Variants in USP5 observed in about 807,000 individuals in gnomAD.
USP5 encodes ubiquitin carboxyl-terminal hydrolase 5.
USP5 carries 24 observed loss-of-function variants against 102.5 expected under a neutral mutation model. That is an observed-to-expected ratio of 0.23 (90% CI 0.17 to 0.33). The LOEUF is 0.33. USP5 is among the 10% of genes least tolerant of loss of function. The pLI is 1.00. For synonymous variants in USP5, 460 were observed against 434.8 expected (o/e 1.06, Z -0.72); for missense variants, 753 against 1,122.1 (o/e 0.67, Z 4.70).
rs1373992040 is a variant in USP5, at chr12:6,855,386, C to T, written c.112-15C>T. On this transcript the variant is annotated splice_polypyrimidine_tract_variant and intron_variant, in intron 1 of 19. Transcript: ENST00000229268. This position sits in a 1 kb window ranked among gnomAD's most constrained non-coding sequence, Gnocchi z 4.6. The stretch of plus-strand genomic sequence containing the variant: ...TAACATCCTCGTGTTTTCACCCTTA[C>T]CTCTTGTCCCACAGGAGTCTGAGGG... 1.2e-6 allele frequency: 2 copies of T among 1,613,788 alleles called. No individual in the cohort carries two copies. The highest frequency in any genetic ancestry group is 1.7e-6 in the Non-Finnish European group (2 of 1,179,862).
In USP5 at chr12:6,858,291, C is replaced by T; in HGVS notation, c.865-133C>T. ...TTGAACTGGACGATACTCAACATAC[C>T]TCCCATGTTTGAGCCTGTAATTCCA... On this transcript the variant is annotated intron_variant, in intron 7 of 19. Coordinates refer to ENST00000229268, the MANE Select transcript of USP5 (RefSeq NM_001098536.2). This position sits in a 1 kb window ranked among gnomAD's most constrained non-coding sequence, Gnocchi z 4.2. 2 of 887,628 alleles carry T rather than the reference C, an allele frequency of 2.3e-6. No homozygotes were observed. Among genetic ancestry groups the T allele is most frequent in the Non-Finnish European group, 3.4e-6 (2 of 593,256 alleles). The allele number at this position is 887,628 out of a possible 1,614,324, so 55.0% of individuals were successfully genotyped here. A position where few individuals can be genotyped will look rare whatever the true frequency, so the allele number is the denominator to read the frequency against.
chr12:6,863,049 A>G lies in USP5; in HGVS notation c.1763-137A>G. 1 of 773,998 alleles carries G rather than the reference A, an allele frequency of 1.3e-6. No homozygotes were observed. The highest frequency in any genetic ancestry group is 2.0e-6 in the Non-Finnish European group (1 of 501,784). 47.9% of individuals were successfully genotyped at this position (773,998 alleles called of 1,614,324 possible). On this transcript the variant is annotated intron_variant, in intron 14 of 19. Coordinates refer to ENST00000229268, the MANE Select transcript of USP5 (RefSeq NM_001098536.2). This position sits in a 1 kb window ranked among gnomAD's most constrained non-coding sequence, Gnocchi z 4.7. The stretch of plus-strand genomic sequence containing the variant: ...TTAGTATTATTTGTCTTATACTGGG[A>G]CCCCTAAGATGGGTGCCGTGCTTTT...
At chr12:6,853,600 G>C (rs1439778804) in intron 1 of USP5, among the ~76,000 whole-genome samples, 1 of 152,154 alleles carries the variant, frequency 6.6e-6, no homozygotes, top group Non-Finnish European at 1.5e-5. Flanking sequence ...GAAGTCAGTG[G>C]GTCCCTCTTT....
At chr12:6,857,410 G>A (rs1944149305) in intron 6 of USP5, 2 of 513,662 alleles carry the variant, frequency 3.9e-6, no homozygotes, top group Non-Finnish European at 6.9e-6. Context: ...AGAATCACAA[G>A]TAATTCCAAC....
Position 6,858,256 on chromosome 12 carries a change from C to G in USP5, c.865-168C>G, listed in dbSNP as rs1460387608. On this transcript the variant is annotated intron_variant, in intron 7 of 19. Coordinates refer to ENST00000229268, the MANE Select transcript of USP5 (RefSeq NM_001098536.2). The surrounding 1 kb of genome is among the most constrained non-coding windows in gnomAD (Gnocchi z 4.2). Reference sequence around the variant, plus strand: ...GGCCTCTGGGACAATTATGTGTGGCCTTCCAGAACTTGAACTGGACGATAC... The same window carrying G: ...GGCCTCTGGGACAATTATGTGTGGCGTTCCAGAACTTGAACTGGACGATAC... 6.6e-6 allele frequency among the ~76,000 whole-genome samples: 1 copy of G among 152,198 alleles called. No individual in the cohort carries two copies. Among genetic ancestry groups the G allele is most frequent in the Non-Finnish European group, 1.5e-5 (1 of 68,040 alleles).
Position 6,855,457 on chromosome 12 carries a change from G to A in USP5, c.168G>A (p.Gln56=). 2 of 1,614,204 alleles carry A rather than the reference G, an allele frequency of 1.2e-6. No homozygotes were observed. Among genetic ancestry groups the A allele is most frequent in the Admixed American group, 1.7e-5 (1 of 60,028 alleles). The change falls in exon 2 of 20, where the codon CAG becomes CAA. Residue 56 remains glutamine (Q), a synonymous_variant. Coordinates refer to ENST00000229268, the MANE Select transcript of USP5 (RefSeq NM_001098536.2). The surrounding 1 kb of genome is among the most constrained non-coding windows in gnomAD (Gnocchi z 4.6). ...CMNTFLGFGK[Q]YVERHFNKTG... The stretch of plus-strand genomic sequence containing the variant: ...ACACGTTTCTGGGCTTTGGGAAACA[G>A]TATGTGGAGAGACATTTCAATAAGA...
In USP5 at chr12:6,856,497, C is replaced by T. The variant is rs1337850133; in HGVS notation, c.584+47C>T. On this transcript the variant is annotated intron_variant, in intron 5 of 19. Coordinates refer to ENST00000229268, the MANE Select transcript of USP5 (RefSeq NM_001098536.2). This position sits in a 1 kb window ranked among gnomAD's most constrained non-coding sequence, Gnocchi z 5.6. ...TCGGGCACCACCCCCAGAGCAAGGA[C>T]AAGGAGCCCACTTTTCTGGGGGATC... 2.5e-6 allele frequency: 4 copies of T among 1,572,010 alleles called. No homozygotes were observed. The highest frequency in any genetic ancestry group is 3.5e-6 in the Non-Finnish European group (4 of 1,159,316).
rs989368240 is a variant in USP5 at position 6,855,584 on chromosome 12, A to G, written c.237+58A>G. Reference sequence around the variant, plus strand: ...ATTGTCTGTTCCATTCTGACCTCCTATTGGACTCAGTTTCTTTTTTTCACC... The same window carrying G: ...ATTGTCTGTTCCATTCTGACCTCCTGTTGGACTCAGTTTCTTTTTTTCACC... On this transcript the variant is annotated intron_variant, in intron 2 of 19. Coordinates refer to ENST00000229268, the MANE Select transcript of USP5 (RefSeq NM_001098536.2). The surrounding 1 kb of genome is among the most constrained non-coding windows in gnomAD (Gnocchi z 4.6). The G allele has an allele frequency of 1.8e-5, 29 of 1,597,792 alleles. No homozygotes were observed. Among genetic ancestry groups the G allele is most frequent in the East Asian group, 8.9e-5 (4 of 44,716 alleles).
Position 6,855,775 on chromosome 12 carries a change from A to G in USP5, c.258A>G (p.Thr86=). The G allele has an allele frequency of 6.2e-7, 1 of 1,614,172 alleles. No individual in the cohort carries two copies. The highest frequency in any genetic ancestry group is 1.6e-4 in the Middle Eastern group (1 of 6,062). ...TRRPKEEDPA[T]GTGDPPRKKP... is the part of the protein sequence containing the mutation. ...TACAGAAAGAGGAGGACCCTGCTAC[A>G]GGCACTGGAGACCCACCCCGGAAGA... The change falls in exon 3 of 20, where the codon ACA becomes ACG. Residue 86 remains threonine (T), a synonymous_variant. Transcript: ENST00000229268. The surrounding 1 kb of genome is among the most constrained non-coding windows in gnomAD (Gnocchi z 4.6).
chr12:6,865,550 A>G (rs1347846568), intron 19 of USP5, among the ~76,000 whole-genome samples: 2 of 152,156 alleles, frequency 1.3e-5, no homozygotes, highest in Non-Finnish European at 2.9e-5. Context: ...GGCATGAGCT[A>G]CCGTGCCTGG....
Position 6,856,669 on chromosome 12 carries a change from G to T in USP5, c.585-38G>T, listed in dbSNP as rs183840287. 7.5e-6 allele frequency: 12 copies of T among 1,608,756 alleles called. No homozygotes were observed. The South Asian group carries it at 1.2e-4, about 16-fold the overall frequency. Reference sequence around the variant, plus strand: ...CTCTCTGCCACTCCCTCAAATCCCCGACCCACATTTCTGCTGATTCTCTTC... The same window carrying T: ...CTCTCTGCCACTCCCTCAAATCCCCTACCCACATTTCTGCTGATTCTCTTC... On this transcript the variant is annotated intron_variant, in intron 5 of 19. Coordinates refer to ENST00000229268, the MANE Select transcript of USP5 (RefSeq NM_001098536.2). The surrounding 1 kb of genome is among the most constrained non-coding windows in gnomAD (Gnocchi z 5.6).
chr12:6,864,896 G>A lies in USP5; in HGVS notation c.2398+21G>A, dbSNP rs782783252. 6.2e-7 allele frequency: 1 copy of A among 1,608,684 alleles called. No homozygotes were observed. Among genetic ancestry groups the A allele is most frequent in the Non-Finnish European group, 8.5e-7 (1 of 1,176,930 alleles). ...TGGAAGTGAGTATCCCCAGGAAGCAGGACAGGCCTGGTGGAATCTGGTCAG... is the reference window on the plus strand; with the variant it reads ...TGGAAGTGAGTATCCCCAGGAAGCAAGACAGGCCTGGTGGAATCTGGTCAG... On this transcript the variant is annotated intron_variant, in intron 18 of 19. Transcript: ENST00000229268. This position sits in a 1 kb window ranked among gnomAD's most constrained non-coding sequence, Gnocchi z 4.8.
intron 7 of USP5, 140 bp downstream of exon 7, chr12:6,857,863 T>C: frequency 8.2e-6 from 6 of 735,898 alleles, no homozygotes; most frequent in Non-Finnish European, 8.9e-6. Context: ...CTTTTAAATA[T>C]CTAAAATCAT....
rs782329393 is a variant in USP5 at position 6,857,853 on chromosome 12, C to A, written c.864+130C>A. On this transcript the variant is annotated intron_variant, in intron 7 of 19. Coordinates refer to ENST00000229268, the MANE Select transcript of USP5 (RefSeq NM_001098536.2). ...CCCCATCCCCAAGATACACAGGCTT[C>A]TTTTAAATATCTAAAATCATTTATT... 4.8e-4 allele frequency: 380 copies of A among 785,152 alleles called. 2 individuals are homozygous for A. The African/African-American group carries it at 6.0e-3, about 12-fold the overall frequency. The allele number at this position is 785,152 out of a possible 1,614,324, so 48.6% of individuals were successfully genotyped here.
In USP5 at chr12:6,860,208, G is replaced by A. The variant is rs141869825; in HGVS notation, c.1188G>A (p.Ser396=). ...SGEYSKPVPE[S]GDGERVPEQK... ...AGTATTCCAAGCCAGTACCGGAGTCGGGCGATGGGGAGCGGGTGCCAGAAC... is the reference window on the plus strand; with the variant it reads ...AGTATTCCAAGCCAGTACCGGAGTCAGGCGATGGGGAGCGGGTGCCAGAAC... The change falls in exon 10 of 20, where the codon TCG becomes TCA. Residue 396 remains serine, a synonymous_variant. Transcript: ENST00000229268. This position sits in a 1 kb window ranked among gnomAD's most constrained non-coding sequence, Gnocchi z 5.5. 154 of 1,608,214 alleles carry A rather than the reference G, an allele frequency of 9.6e-5. No individual in the cohort carries two copies. The East Asian group carries it at 1.6e-3, about 17-fold the overall frequency.
At chr12:6,862,430 T>C in intron 13 of USP5, 40 bp from the exon 14 acceptor site, 1 of 1,585,714 alleles carries the variant, frequency 6.3e-7, no homozygotes, top group Non-Finnish European at 8.7e-7. Context: ...AGGAAAACCC[T>C]GGGGATTGTC....
rs1555128391 is a variant in USP5 at position 6,856,689 on chromosome 12, C to T, written c.585-18C>T. 2 of 1,613,062 alleles carry T rather than the reference C, an allele frequency of 1.2e-6. No homozygotes were observed. The highest frequency in any genetic ancestry group is 2.2e-5 in the South Asian group (2 of 91,064). ...TCCCCGACCCACATTTCTGCTGATT[C>T]TCTTCTCTGTGGGTTAGTGGCTGGA... On this transcript the variant is annotated intron_variant, in intron 5 of 19. Coordinates refer to ENST00000229268, the MANE Select transcript of USP5 (RefSeq NM_001098536.2). This position sits in a 1 kb window ranked among gnomAD's most constrained non-coding sequence, Gnocchi z 5.6.
chr12:6,864,993 C>T lies in USP5; in HGVS notation c.2398+118C>T, dbSNP rs764796082. On this transcript the variant is annotated intron_variant, in intron 18 of 19. Transcript: ENST00000229268. The surrounding 1 kb of genome is among the most constrained non-coding windows in gnomAD (Gnocchi z 4.8). ...AGTCAGGGGCTTCTTTCCACCTCAA[C>T]GTGGCATCTGAGGGTGGGGTTCTCT... 6.3e-6 allele frequency: 9 copies of T among 1,427,882 alleles called. No individual in the cohort carries two copies. The East Asian group carries it at 7.1e-5, about 11-fold the overall frequency. The allele number at this position is 1,427,882 out of a possible 1,614,324, so 88.5% of individuals were successfully genotyped here.
chr12:6,865,684 A>G (rs1037304151), intron 19 of USP5, among the ~76,000 whole-genome samples: 1 of 152,228 alleles, frequency 6.6e-6, no homozygotes, highest in Non-Finnish European at 1.5e-5. Context: ...GACCAGAGAG[A>G]GAGCCTGCAG....
Sources: gnomAD v4.1 joint callset for allele counts (sites outside exome capture counted in the v4.1 genomes callset) on GRCh38, gnomAD v4.1.1 for gene constraint, Gnocchi (gnomAD v3.1) non-coding constraint, MANE v1.5 for transcripts, NCBI Gene and HGNC (gene_info 2026-07-23, HGNC 2026-07-21) for gene names.